Variants in RASGRF2 observed in about 807,000 individuals in gnomAD.
RASGRF2 encodes the protein ras-specific guanine nucleotide-releasing factor 2.
A neutral mutation model predicts 151.0 loss-of-function variants in RASGRF2; 76 were observed. The observed-to-expected ratio is 0.50, with a 90% confidence interval of 0.42 to 0.61. The LOEUF is 0.61. Ranked by LOEUF, RASGRF2 falls within the 20% of genes least tolerant of loss-of-function variation. The pLI is 0.00. For synonymous variants in RASGRF2, 504 were observed against 566.5 expected (o/e 0.89, Z 1.57); for missense variants, 1,148 against 1,564.6 (o/e 0.73, Z 4.49).
At chr5:81,099,115 C>T (rs1327120862) in intron 12 of RASGRF2, among the ~76,000 whole-genome samples, 1 of 152,192 alleles carries the variant, frequency 6.6e-6, no homozygotes, top group Non-Finnish European at 1.5e-5. Flanking sequence ...CCATAGATCA[C>T]TTCTGCACAA....
Position 81,056,307 on chromosome 5 carries a change from G to C in RASGRF2, c.396-11725G>C, listed in dbSNP as rs1042446667. On this transcript the variant is annotated intron_variant, in intron 2 of 26. Transcript: ENST00000265080. ...TCTACACACTGCTTTAAATGTGTCC[G>C]AGAGATTCTTGTATGTTGTGTCTTT... 1.4e-4 allele frequency among the ~76,000 whole-genome samples: 21 copies of C among 152,170 alleles called. No individual in the cohort carries two copies. In the East Asian group the frequency reaches 2.9e-3, roughly 21 times the overall value.
At chr5:81,151,416 G>A (rs1014367831) in intron 17 of RASGRF2, among the ~76,000 whole-genome samples, 8 of 144,746 alleles carry the variant, frequency 5.5e-5, no homozygotes, top group Non-Finnish European at 9.0e-5. Flanking sequence ...ATGGAGTCTC[G>A]CTCTGTCACC....
intron 17 of RASGRF2, among the ~76,000 whole-genome samples, chr5:81,175,852 T>C (rs1365570749): frequency 1.3e-5 from 2 of 152,082 alleles, no homozygotes; most frequent in African/African-American, 2.4e-5. Flanking sequence ...ACGTCCCATT[T>C]GTATGAAATG....
intron 2 of RASGRF2, among the ~76,000 whole-genome samples, chr5:81,051,981 C>A (rs1188659269): frequency 6.6e-6 from 1 of 152,182 alleles, no homozygotes; most frequent in Admixed American, 6.5e-5. Flanking sequence ...CTTACCAACA[C>A]TTATTTTCGT....
chr5:81,204,134 T>TA (rs1285739056), intron 19 of RASGRF2: 1 of 152,248 alleles, frequency 6.6e-6, no homozygotes, highest in Non-Finnish European at 1.5e-5. Flanking sequence ...AAACTGGTGA[T>TA]ACTGCTGATA....
In RASGRF2 at chr5:81,070,685, G is replaced by A. The variant is rs1406887794; in HGVS notation, c.633+104G>A. ...TGCGTGAGCCGGGAGCAGCCTTGGTGTTTCTGGGCTATGGCTCCCAGACTT... is the reference window on the plus strand; with the variant it reads ...TGCGTGAGCCGGGAGCAGCCTTGGTATTTCTGGGCTATGGCTCCCAGACTT... On this transcript the variant is annotated intron_variant, in intron 4 of 26. Transcript: ENST00000265080. 6 of 948,400 alleles carry A rather than the reference G, an allele frequency of 6.3e-6. No homozygotes were observed. The Admixed American group carries it at 1.2e-4, about 19-fold the overall frequency. 58.7% of individuals were successfully genotyped at this position (948,400 alleles called of 1,614,324 possible). A position where few individuals can be genotyped will look rare whatever the true frequency, so the allele number is the denominator to read the frequency against.
intron 12 of RASGRF2, among the ~76,000 whole-genome samples, chr5:81,103,260 G>A (rs1451418117): frequency 2.0e-5 from 3 of 151,690 alleles, no homozygotes; most frequent in Non-Finnish European, 4.4e-5. Flanking sequence ...ATATATATAG[G>A]TATGTGGTTC....
intron 9 of RASGRF2, chr5:81,088,706 G>A (rs1034456045): frequency 1.3e-5 from 2 of 151,976 alleles, no homozygotes; most frequent in African/African-American, 4.8e-5. Context: ...AAGGATTTTT[G>A]ATTGGGAAGT....
intron 12 of RASGRF2, among the ~76,000 whole-genome samples, chr5:81,099,911 T>TC (rs1165934444): frequency 3.4e-5 from 4 of 118,586 alleles, no homozygotes; most frequent in Admixed American, 8.2e-5. Flanking sequence ...TTTTTTCTTT[T>TC]TTTTTTTTTT....
intron 1 of RASGRF2, among the ~76,000 whole-genome samples, chr5:80,993,867 G>C (rs111644801): frequency 6.6e-6 from 1 of 152,170 alleles, no homozygotes; most frequent in South Asian, 2.1e-4. Flanking sequence ...GTCAAACCCA[G>C]CAGGAAGCCA....
chr5:81,143,843 T>C (rs896975149), intron 17 of RASGRF2, among the ~76,000 whole-genome samples: 5 of 149,304 alleles, frequency 3.3e-5, no homozygotes, highest in Admixed American at 2.0e-4. Flanking sequence ...TGAGCTGAGA[T>C]AGTGCCACTG....
intron 17 of RASGRF2, among the ~76,000 whole-genome samples, chr5:81,156,594 G>A (rs12697914): frequency 0.2 from 30,079 of 152,034 alleles, 3,103 homozygotes; most frequent in East Asian, 0.36. Context: ...GATAAAAACC[G>A]TATGATTATC....
chr5:81,180,135 GCTTT>G (rs1754879501), intron 17 of RASGRF2, 36 bp from the exon 18 acceptor site: 1 of 1,226,710 alleles, frequency 8.2e-7, no homozygotes, highest in Non-Finnish European at 1.2e-6. Context: ...CTAGGGAGTG[GCTTT>G]AACTGCAACA....
chr5:80,977,905 T>C (rs1396795365), intron 1 of RASGRF2, among the ~76,000 whole-genome samples: 3 of 152,244 alleles, frequency 2.0e-5, no homozygotes, highest in Non-Finnish European at 1.5e-5. Context: ...CTTATCAGCC[T>C]AGTTTGTAAG....
At chr5:80,994,327 C>G (rs1291712021) in intron 1 of RASGRF2, among the ~76,000 whole-genome samples, 4 of 144,842 alleles carry the variant, frequency 2.8e-5, no homozygotes, top group Non-Finnish European at 6.0e-5. Flanking sequence ...GATTGCACCA[C>G]TGCACTCCAG....
intron 17 of RASGRF2, among the ~76,000 whole-genome samples, chr5:81,155,218 G>A (rs1010927808): frequency 3.3e-5 from 5 of 152,030 alleles, no homozygotes; most frequent in Non-Finnish European, 5.9e-5. Context: ...AAATGATCTC[G>A]AATCAGTCAT....
intron 2 of RASGRF2, among the ~76,000 whole-genome samples, chr5:81,065,264 C>G (rs1359269866): frequency 6.6e-6 from 1 of 152,166 alleles, no homozygotes; most frequent in Admixed American, 6.5e-5. Flanking sequence ...TATTCATTTT[C>G]TATTCTGTAA....
Position 80,969,697 on chromosome 5 carries a change from C to T in RASGRF2, c.288+8671C>T, listed in dbSNP as rs1483846438. ...CGATCTCCTGACCTCGTGATCCGCC[C>T]GTCTCGGCCTCCCAAAGTGCTGGGA... On this transcript the variant is annotated intron_variant, in intron 1 of 26. Transcript: ENST00000265080. Among the ~76,000 whole-genome samples the T allele has an allele frequency of 4.0e-5, 6 of 151,804 alleles. No homozygotes were observed. In the East Asian group the frequency reaches 5.8e-4, roughly 15 times the overall value.
At chr5:81,095,941 A>G (rs956044715) in intron 12 of RASGRF2, 12 of 152,216 alleles carry the variant, frequency 7.9e-5, no homozygotes, top group African/African-American at 2.9e-4. Flanking sequence ...GACTCTTACA[A>G]TAGTATTCTG....
Sources: gnomAD v4.1 joint callset for allele counts (sites outside exome capture counted in the v4.1 genomes callset) on GRCh38, gnomAD v4.1.1 for gene constraint, MANE v1.5 for transcripts, NCBI Gene and HGNC (gene_info 2026-07-23, HGNC 2026-07-21) for gene names.